NUP210: variants seen among roughly 807,000 people sequenced by gnomAD.
NUP210 encodes nuclear pore membrane glycoprotein 210.
Under a neutral mutation model 196.0 loss-of-function variants are expected in NUP210, and 151 were observed. The observed-to-expected ratio is 0.77, with a 90% CI of 0.67 to 0.88. NUP210 has a LOEUF of 0.88. NUP210 is among the 40% of genes least tolerant of loss of function. NUP210 has a pLI of 0.00. For synonymous variants in NUP210, 1,070 were observed against 1,052.7 expected, an observed-to-expected ratio of 1.02 and a Z score of -0.32; for missense variants, 2,314 against 2,493.7, an observed-to-expected ratio of 0.93 and a Z score of 1.53.
Position 13,339,878 on chromosome 3 carries a change from G to T in NUP210, c.3447C>A (p.Thr1149=). 1.2e-6 allele frequency: 2 copies of T among 1,613,716 alleles called. No individual in the cohort carries two copies. Among genetic ancestry groups the T allele is most frequent in the South Asian group, 2.2e-5 (2 of 91,082 alleles). Residue 1149 remains threonine, a synonymous_variant, in exon 25 of 40, where the codon ACC becomes ACA. Transcript: ENST00000254508. ...CCTGAGAGATGATGACCACCTTGCC[G>T]GTCTCTGCATCCACTGCCTGCACGA... ...SGLVQAVDAE[T]GKVVIISQDL...
intron 32 of NUP210, among the ~76,000 whole-genome samples, chr3:13,326,668 T>A (rs1696766051): frequency 6.6e-6 from 1 of 152,230 alleles, no homozygotes; most frequent in African/African-American, 2.4e-5. Context: ...CCAGTGTCCT[T>A]CTTTGCTTAA....
chr3:13,335,404 G>C, intron 28 of NUP210, 50 bp downstream of exon 28: 1 of 1,582,274 alleles, frequency 6.3e-7, no homozygotes, highest in Non-Finnish European at 8.6e-7. Context: ...AGATTGGGCA[G>C]CTGGCACTTC....
At chr3:13,331,246 G>A (rs1335247898) in intron 29 of NUP210, among the ~76,000 whole-genome samples, 2 of 152,112 alleles carry the variant, frequency 1.3e-5, no homozygotes, top group Non-Finnish European at 2.9e-5. Flanking sequence ...ACTATGTACT[G>A]GGTAGGAAGC....
rs533858379 is a variant in NUP210, at chr3:13,332,881, G to A, written c.3844-497C>T. On this transcript the variant is annotated intron_variant, in intron 28 of 39. Transcript: ENST00000254508. ...GAACTTTACCTGCCAGGATGTGAGC[G>A]CGGAGGGCAGCACACACAACTCCAG... 9.2e-5 allele frequency among the ~76,000 whole-genome samples: 14 copies of A among 152,356 alleles called. No homozygotes were observed. In the East Asian group the frequency reaches 1.2e-3, roughly 13 times the overall value.
intron 29 of NUP210, among the ~76,000 whole-genome samples, chr3:13,331,588 T>G (rs1696998214): frequency 6.6e-6 from 1 of 152,224 alleles, no homozygotes; most frequent in South Asian, 2.1e-4. Context: ...AGCCTTCTCC[T>G]GCTACCCTCC....
intron 20 of NUP210, chr3:13,346,989 C>CCA: frequency 1.0e-6 from 1 of 983,772 alleles, no homozygotes; most frequent in Non-Finnish European, 1.2e-6. Flanking sequence ...GGGACGTGCA[C>CCA]CACTGTCCAC....
intron 1 of NUP210, among the ~76,000 whole-genome samples, chr3:13,402,811 A>T (rs1699882106): frequency 6.6e-6 from 1 of 152,234 alleles, no homozygotes; most frequent in Non-Finnish European, 1.5e-5. Flanking sequence ...TTTCCCATAC[A>T]TGCCCTGCCC....
intron 3 of NUP210, among the ~76,000 whole-genome samples, chr3:13,392,139 G>A (rs554127125): frequency 7.9e-5 from 12 of 152,230 alleles, no homozygotes; most frequent in African/African-American, 2.9e-4. Context: ...AGGGATCTGG[G>A]GGCCAAGAAA....
In NUP210 at chr3:13,323,207, A is replaced by T; in HGVS notation, c.4768+102T>A. ...AAATGCCCTCTCTGGAGTTGGTGTGAGTGTGAATAGGAGAAGCAGATAAAC... is the reference window on the plus strand; with the variant it reads ...AAATGCCCTCTCTGGAGTTGGTGTGTGTGTGAATAGGAGAAGCAGATAAAC... On this transcript the variant is annotated intron_variant, in intron 34 of 39. Coordinates refer to ENST00000254508, the MANE Select transcript of NUP210 (RefSeq NM_024923.4). The surrounding 1 kb of genome is among the most constrained non-coding windows in gnomAD (Gnocchi z 4.3). 7.0e-7 allele frequency: 1 copy of T among 1,433,842 alleles called. No homozygotes were observed. Among genetic ancestry groups the T allele is most frequent in the Non-Finnish European group, 9.6e-7 (1 of 1,043,646 alleles). The allele number at this position is 1,433,842 out of a possible 1,614,324, so 88.8% of individuals were successfully genotyped here.
chr3:13,373,338 A>C (rs1362480254), intron 12 of NUP210, among the ~76,000 whole-genome samples: 1 of 152,196 alleles, frequency 6.6e-6, no homozygotes, highest in African/African-American at 2.4e-5. Context: ...AAGAGAGAGG[A>C]GTCTGGCCTG....
At chr3:13,386,195 A>C (rs1437961193) in intron 6 of NUP210, 80 bp downstream of exon 6, 1 of 1,509,862 alleles carries the variant, frequency 6.6e-7, no homozygotes, top group East Asian at 2.3e-5. Context: ...TTAAGATGGT[A>C]AATTTTGTTA....
At chr3:13,342,586 A>G (rs1697556763) in intron 21 of NUP210, among the ~76,000 whole-genome samples, 1 of 152,218 alleles carries the variant, frequency 6.6e-6, no homozygotes, top group Admixed American at 6.5e-5. Flanking sequence ...TTAGCTTCTT[A>G]AGGAGCCTAA....
chr3:13,335,589 C>A lies in NUP210; in HGVS notation c.3708G>T (p.Gln1236His). 6.2e-7 allele frequency: 1 copy of A among 1,614,116 alleles called. No individual in the cohort carries two copies. The highest frequency in any genetic ancestry group is 8.5e-7 in the Non-Finnish European group (1 of 1,180,038). Residue 1236 changes from glutamine (Q) to histidine (H), a missense_variant, in exon 28 of 40, where the codon CAG becomes CAT. Transcript: ENST00000254508. Reference protein sequence around the residue: ...HHEASIRLPSQYNFAMNVLGR... With the variant: ...HHEASIRLPSHYNFAMNVLGR... ...CGAGCACGTTCATGGCAAAGTTGTACTGTGACGGGAGTCGGATCGACGCCT... is the reference window on the plus strand; with the variant it reads ...CGAGCACGTTCATGGCAAAGTTGTAATGTGACGGGAGTCGGATCGACGCCT...
Position 13,387,315 on chromosome 3 carries a change from C to T in NUP210, c.685-908G>A, listed in dbSNP as rs367670581. Among the ~76,000 whole-genome samples, 118 of 152,352 alleles carry T rather than the reference C, an allele frequency of 7.7e-4. 4 individuals carry two copies. Among genetic ancestry groups the T allele is most frequent in the South Asian group, 2.5e-3 (12 of 4,828 alleles). On this transcript the variant is annotated intron_variant, in intron 5 of 39. Coordinates refer to ENST00000254508, the MANE Select transcript of NUP210 (RefSeq NM_024923.4). ...CACCACCATGGGCAGGGCTCTGTGG[C>T]GGCTGCTTTCCAGCACGCAGGCAGG...
intron 3 of NUP210, among the ~76,000 whole-genome samples, chr3:13,392,817 C>T (rs1382326474): frequency 6.6e-6 from 1 of 152,166 alleles, no homozygotes; most frequent in Non-Finnish European, 1.5e-5. Flanking sequence ...TAGCAGTGTG[C>T]TCAGTGAGGG....
chr3:13,350,539 A>G lies in NUP210; in HGVS notation c.2835+1340T>C, dbSNP rs1270299580. On this transcript the variant is annotated intron_variant, in intron 20 of 39. Transcript: ENST00000254508. This position sits in a 1 kb window ranked among gnomAD's most constrained non-coding sequence, Gnocchi z 4.1. Reference sequence around the variant, plus strand: ...TCCAGAAAAAAGGCAGATGACAGAAACTGTCTGTGAGGGCCACCAGAGATC... The same window carrying G: ...TCCAGAAAAAAGGCAGATGACAGAAGCTGTCTGTGAGGGCCACCAGAGATC... 6.6e-6 allele frequency among the ~76,000 whole-genome samples: 1 copy of G among 152,106 alleles called. No individual in the cohort carries two copies. The highest frequency in any genetic ancestry group is 2.4e-5 in the African/African-American group (1 of 41,398).
rs2124864352 is a variant in NUP210, at chr3:13,343,201, C to T, written c.2938G>A (p.Glu980Lys). The T allele has an allele frequency of 6.2e-7, 1 of 1,614,200 alleles. No individual in the cohort carries two copies. Among genetic ancestry groups the T allele is most frequent in the Non-Finnish European group, 8.5e-7 (1 of 1,180,038 alleles). The change falls in exon 21 of 40, where the codon GAG becomes AAG. Residue 980 changes from glutamate (E) to lysine (K), a missense_variant. By Grantham distance (56) the Glu-to-Lys change is moderately conservative (BLOSUM62 1). Coordinates refer to ENST00000254508, the MANE Select transcript of NUP210 (RefSeq NM_024923.4). ...TTGTCAACCACACGGATGTACAGCT[C>T]CTGAATGTCCGACACGTAAACGACA... Reference protein sequence around the residue: ...KAVVYVSDIQELYIRVVDKVE... With the variant: ...KAVVYVSDIQKLYIRVVDKVE...
intron 4 of NUP210, among the ~76,000 whole-genome samples, chr3:13,390,930 G>A (rs1249089121): frequency 1.3e-5 from 2 of 152,202 alleles, no homozygotes; most frequent in Non-Finnish European, 2.9e-5. Context: ...CCTGTGCCCT[G>A]AGACAGCCAT....
At chr3:13,343,910 T>C (rs533725103) in intron 20 of NUP210, among the ~76,000 whole-genome samples, 1 of 152,346 alleles carries the variant, frequency 6.6e-6, no homozygotes, top group Admixed American at 6.5e-5. Context: ...GCTATGTGCA[T>C]CTCGCTCATC....
Sources: allele counts gnomAD v4.1 joint callset (sites outside exome capture counted in the v4.1 genomes callset), GRCh38; gene constraint gnomAD v4.1.1; non-coding constraint Gnocchi (gnomAD v3.1); transcripts MANE v1.5; gene names NCBI Gene and HGNC (gene_info 2026-07-23, HGNC 2026-07-21).